The following FSTL5 variants were observed in gnomAD, a reference collection of about 807,000 sequenced individuals.
The protein encoded by FSTL5 is follistatin-related protein 5.
In FSTL5, 62 loss-of-function variants were observed where a neutral mutation model predicts 89.1. The observed-to-expected ratio is 0.70, with a 90% CI of 0.57 to 0.86. The LOEUF (loss-of-function observed/expected upper bound fraction) is 0.86, where lower values mean the gene tolerates loss of function less well. FSTL5 is among the 40% of genes least tolerant of loss of function. The pLI, the probability that FSTL5 is intolerant of heterozygous loss-of-function variation, is 0.00. For synonymous variants in FSTL5, 383 were observed against 346.2 expected (o/e 1.11, Z -1.18); for missense variants, 1,057 against 1,001.6 (o/e 1.06, Z -0.75).
At chr4:162,139,500 A>G (rs976051950) in intron 1 of FSTL5, among the ~76,000 whole-genome samples, 5 of 151,812 alleles carry the variant, frequency 3.3e-5, no homozygotes, top group African/African-American at 1.2e-4. Flanking sequence ...ACACATATAC[A>G]CCACATTAGG....
chr4:161,767,359 G>A (rs1022229647), intron 5 of FSTL5, among the ~76,000 whole-genome samples: 2 of 152,176 alleles, frequency 1.3e-5, no homozygotes, highest in Admixed American at 1.3e-4. Flanking sequence ...AGATGCCTTG[G>A]TCAAGTTTGT....
At chr4:161,862,385 A>T (rs530184935) in intron 4 of FSTL5, among the ~76,000 whole-genome samples, 4 of 152,342 alleles carry the variant, frequency 2.6e-5, no homozygotes, top group Non-Finnish European at 5.9e-5. Context: ...AAGTCTTGAT[A>T]TTGGAGATGA....
chr4:161,696,952 G>A (rs933255223), intron 6 of FSTL5, among the ~76,000 whole-genome samples: 1 of 152,192 alleles, frequency 6.6e-6, no homozygotes, highest in South Asian at 2.1e-4. Context: ...TCTTTCTCTT[G>A]TCTGATTTTT....
chr4:162,061,400 T>C (rs1366328548), intron 2 of FSTL5, among the ~76,000 whole-genome samples: 1 of 152,152 alleles, frequency 6.6e-6, no homozygotes, highest in Non-Finnish European at 1.5e-5. Flanking sequence ...TGACTCATTC[T>C]CTCCATTCCA....
intron 6 of FSTL5, among the ~76,000 whole-genome samples, chr4:161,676,491 C>T (rs546162999): frequency 3.0e-4 from 46 of 151,870 alleles, no homozygotes; most frequent in African/African-American, 9.9e-4. Flanking sequence ...CATCACACAC[C>T]GGGGCCTGTC....
chr4:161,507,238 T>C (rs1730513781), intron 11 of FSTL5, among the ~76,000 whole-genome samples: 1 of 151,868 alleles, frequency 6.6e-6, no homozygotes, highest in Non-Finnish European at 1.5e-5. Flanking sequence ...CCAAAACATA[T>C]ATTATAAACT....
intron 1 of FSTL5, among the ~76,000 whole-genome samples, chr4:162,114,567 CAT>C (rs1307644024): frequency 2.3e-4 from 31 of 132,994 alleles, no homozygotes; most frequent in African/African-American, 6.5e-4. Flanking sequence ...CACACACACA[CAT>C]ATTCTATATG....
intron 6 of FSTL5, among the ~76,000 whole-genome samples, chr4:161,661,990 G>C (rs1297180275): frequency 6.6e-6 from 1 of 152,232 alleles, no homozygotes; most frequent in African/African-American, 2.4e-5. Flanking sequence ...GATTACACCT[G>C]GAATTGCACA....
intron 2 of FSTL5, among the ~76,000 whole-genome samples, chr4:162,087,945 A>C (rs1730388155): frequency 6.6e-6 from 1 of 152,154 alleles, no homozygotes; most frequent in South Asian, 2.1e-4. Context: ...TGGATTATGG[A>C]TTATGATACA....
At chr4:161,948,564 C>G (rs1734804296) in intron 3 of FSTL5, among the ~76,000 whole-genome samples, 1 of 143,944 alleles carries the variant, frequency 6.9e-6, no homozygotes, top group Admixed American at 7.2e-5. Flanking sequence ...TCTCCTGCCT[C>G]AGCCTCCTCA....
intron 13 of FSTL5, among the ~76,000 whole-genome samples, chr4:161,470,130 C>A (rs1248453035): frequency 6.6e-6 from 1 of 151,952 alleles, no homozygotes; most frequent in Non-Finnish European, 1.5e-5. Flanking sequence ...TGTAATTTTT[C>A]TTTGATTGCT....
chr4:161,589,311 T>A (rs1434557027), intron 7 of FSTL5, among the ~76,000 whole-genome samples: 1 of 152,042 alleles, frequency 6.6e-6, no homozygotes, highest in African/African-American at 2.4e-5. Context: ...GTAGCTGGGA[T>A]TACAGGTGCT....
intron 15 of FSTL5, among the ~76,000 whole-genome samples, chr4:161,435,246 A>T (rs906030219): frequency 1.3e-5 from 2 of 152,216 alleles, no homozygotes; most frequent in African/African-American, 4.8e-5. Flanking sequence ...AGTTATAAAA[A>T]AAATGAGATA....
At chr4:161,714,444 T>C (rs1418695236) in intron 6 of FSTL5, among the ~76,000 whole-genome samples, 1 of 152,194 alleles carries the variant, frequency 6.6e-6, no homozygotes, top group African/African-American at 2.4e-5. Context: ...ATATACACAG[T>C]GAGAGCTATC....
At chr4:161,565,937 T>C (rs1263841801) in intron 8 of FSTL5, among the ~76,000 whole-genome samples, 1 of 151,046 alleles carries the variant, frequency 6.6e-6, no homozygotes, top group African/African-American at 2.4e-5. Flanking sequence ...TATGTAGGAG[T>C]AGGATTGCTG....
chr4:161,397,970 C>T (rs1199351999), intron 15 of FSTL5, among the ~76,000 whole-genome samples: 6 of 151,808 alleles, frequency 4.0e-5, no homozygotes, highest in Non-Finnish European at 7.4e-5. Context: ...TGTATTTCAC[C>T]ATTTAATTAG....
chr4:161,944,778 G>A (rs1308438534), intron 3 of FSTL5, among the ~76,000 whole-genome samples: 2 of 151,674 alleles, frequency 1.3e-5, no homozygotes, highest in African/African-American at 2.4e-5. Context: ...TAGCTTTATA[G>A]TTTGGTTAGT....
chr4:161,801,519 C>A (rs1348557437), intron 4 of FSTL5, among the ~76,000 whole-genome samples: 1 of 151,310 alleles, frequency 6.6e-6, no homozygotes, highest in African/African-American at 2.4e-5. Context: ...ATTCTGTGTT[C>A]CTAATGGGAA....
At chr4:161,957,620 G>A (rs552330697) in intron 3 of FSTL5, among the ~76,000 whole-genome samples, 2 of 152,126 alleles carry the variant, frequency 1.3e-5, no homozygotes, top group South Asian at 4.2e-4. Flanking sequence ...AAGAGCCAGA[G>A]CCATCCTAGA....
Sources: allele counts gnomAD v4.1 joint callset (sites outside exome capture counted in the v4.1 genomes callset), GRCh38; gene constraint gnomAD v4.1.1; transcripts MANE v1.5; gene names NCBI Gene and HGNC (gene_info 2026-07-23, HGNC 2026-07-21).